FAM83H: variants seen among roughly 807,000 people sequenced by gnomAD.
FAM83H encodes the protein scaffolding CK1 anchoring protein H.
A neutral mutation model predicts 30.2 loss-of-function variants in FAM83H; 24 were observed. That is an observed-to-expected ratio of 0.79 (90% confidence interval 0.57 to 1.12). The LOEUF is 1.12. Ranked by LOEUF, FAM83H falls within the 50% of genes most tolerant of loss-of-function variation. The probability of loss-of-function intolerance (pLI) is 0.00; values close to 1 mark genes in which losing one functional copy is unlikely to be tolerated. For synonymous variants in FAM83H, 1,013 were observed against 821.7 expected, an observed-to-expected ratio of 1.23 and a Z score of -3.98; for missense variants, 2,038 against 1,773.9, an observed-to-expected ratio of 1.15 and a Z score of -2.67.
Position 143,727,551 on chromosome 8 carries a change from G to T in FAM83H, c.1910C>A (p.Pro637His). The T allele has an allele frequency of 6.3e-7, 1 of 1,586,870 alleles. No individual in the cohort carries two copies. Among genetic ancestry groups the T allele is most frequent in the East Asian group, 2.3e-5 (1 of 44,242 alleles). Residue 637 changes from proline (P) to histidine (H), a missense_variant, in exon 5 of 5, where the codon CCC (proline) becomes CAC (histidine). Transcript: ENST00000388913. The stretch of plus-strand genomic sequence containing the variant: ...CGGGCCTGGCACCGGGACCTTGGTG[G>T]GGAAGGCTGCTGGGACGCGGAAGGC... ...PSAFRVPAAF[P>H]TKVPVPGPGS...
rs782718385 is a variant in FAM83H, at chr8:143,726,641, G to C, written c.2820C>G (p.Thr940=). 4 of 1,598,302 alleles carry C rather than the reference G, an allele frequency of 2.5e-6. No homozygotes were observed. Among genetic ancestry groups the C allele is most frequent in the African/African-American group, 1.3e-5 (1 of 74,862 alleles). The part of the protein sequence containing the change: ...VPERRGSLTL[T]ISGESPKAGP... ...CGGCCTTCGGGGACTCCCCGGAGAT[G>C]GTAAGGGTGAGGCTGCCCCTGCGCT... Residue 940 remains threonine (T), a synonymous_variant, in exon 5 of 5, where the codon ACC becomes ACG. Coordinates refer to ENST00000388913, the MANE Select transcript of FAM83H (RefSeq NM_198488.5).
In FAM83H at chr8:143,724,711, C is replaced by G. The variant is rs1379073564; in HGVS notation, c.*1210G>C. The G allele has an allele frequency of 2.0e-5, 3 of 152,506 alleles. No homozygotes were observed. Among genetic ancestry groups the G allele is most frequent in the African/African-American group, 7.2e-5 (3 of 41,454 alleles). 9.4% of individuals were successfully genotyped at this position (152,506 alleles called of 1,614,324 possible). A position where few individuals can be genotyped will look rare whatever the true frequency, so the allele number is the denominator to read the frequency against. On this transcript the variant is annotated 3_prime_UTR_variant, in exon 5 of 5. Coordinates refer to ENST00000388913, the MANE Select transcript of FAM83H (RefSeq NM_198488.5). ...TCCCCTGCCCTCACCTGGCCCCATA[C>G]CTGTCAAGGATAAGCACTCCACAAC...
rs1554622572 is a variant in FAM83H, at chr8:143,727,449, C to T, written c.2012G>A (p.Arg671His). 3 of 1,569,858 alleles carry T rather than the reference C, an allele frequency of 1.9e-6. No homozygotes were observed. Among genetic ancestry groups the T allele is most frequent in the Admixed American group, 3.6e-5 (2 of 55,074 alleles). The change falls in exon 5 of 5, where the codon CGC becomes CAC. Residue 671 changes from arginine to histidine, a missense_variant. Coordinates refer to ENST00000388913, the MANE Select transcript of FAM83H (RefSeq NM_198488.5). The part of the protein sequence containing the change: ...GLAKQDSFRS[R>H]LNPLVQRSSR... Reference sequence around the variant, plus strand: ...GCTGCGCTGGACCAGGGGGTTCAGGCGCGAGCGGAATGAGTCCTGCTTGGC... The same window carrying T: ...GCTGCGCTGGACCAGGGGGTTCAGGTGCGAGCGGAATGAGTCCTGCTTGGC...
Position 143,726,118 on chromosome 8 carries a change from C to T in FAM83H, c.3343G>A (p.Glu1115Lys), listed in dbSNP as rs1435785864. ...LSRTLPASAE[E>K]RDRLLRRMES... ...ATGCGGCGCAGCAGCCGATCGCGCT[C>T]CTCCGCGCTGGCTGGCAGCGTGCGG... The change falls in exon 5 of 5, where the codon GAG (glutamate) becomes AAG (lysine). Residue 1115 changes from glutamate to lysine, a missense_variant. Transcript: ENST00000388913. 1 of 1,611,418 alleles carries T rather than the reference C, an allele frequency of 6.2e-7. No individual in the cohort carries two copies. Among genetic ancestry groups the T allele is most frequent in the Non-Finnish European group, 8.5e-7 (1 of 1,179,356 alleles).
chr8:143,730,617 C>T lies in FAM83H; in HGVS notation c.-15-20G>A. 6.7e-7 allele frequency: 1 copy of T among 1,493,202 alleles called. No individual in the cohort carries two copies. Among genetic ancestry groups the T allele is most frequent in the Non-Finnish European group, 8.9e-7 (1 of 1,121,158 alleles). 92.5% of individuals were successfully genotyped at this position (1,493,202 alleles called of 1,614,324 possible). ...AGGGGCCTGGAGGGGCAGGGAGACA[C>T]ATGACTAGGGGTGGGGGCACTGGGA... On this transcript the variant is annotated intron_variant, in intron 1 of 4. Transcript: ENST00000388913.
rs1818225134 is a variant in FAM83H at position 143,725,010 on chromosome 8, G to GCCCCCCCCCCCCCCCCCCCCA, written c.*910_*911insTGGGGGGGGGGGGGGGGGGGG. The GCCCCCCCCCCCCCCCCCCCCA allele has an allele frequency of 1.0e-5, 1 of 100,164 alleles. No individual in the cohort carries two copies. Among genetic ancestry groups the GCCCCCCCCCCCCCCCCCCCCA allele is most frequent in the Non-Finnish European group, 2.0e-5 (1 of 48,818 alleles). 6.2% of individuals were successfully genotyped at this position (100,164 alleles called of 1,614,324 possible). On this transcript the variant is annotated 3_prime_UTR_variant, in exon 5 of 5. Transcript: ENST00000388913. ...CTTCTGGTCCAGCTCCCCCCCCCCT[G>GCCCCCCCCCCCCCCCCCCCCA]CCCCACCCACCCCTTGCAAACTGCC...
In FAM83H at chr8:143,732,118, G is replaced by A. The variant is rs148965831; in HGVS notation, c.-15-1521C>T. ...CAGCTGGACTACATGGGTGCTAGCC[G>A]GAGCCACTTGGCTGAGAATGTTGGG... On this transcript the variant is annotated intron_variant, in intron 1 of 4. Coordinates refer to ENST00000388913, the MANE Select transcript of FAM83H (RefSeq NM_198488.5). 2.1e-4 allele frequency: 209 copies of A among 985,382 alleles called. No homozygotes were observed. The East Asian group carries it at 2.6e-3, about 12-fold the overall frequency. The allele number at this position is 985,382 out of a possible 1,614,324, so 61.0% of individuals were successfully genotyped here.
chr8:143,728,949 G>A lies in FAM83H; in HGVS notation c.737+18C>T. 6.2e-7 allele frequency: 1 copy of A among 1,613,330 alleles called. No homozygotes were observed. On this transcript the variant is annotated intron_variant, in intron 4 of 4. Transcript: ENST00000388913. ...AGGAGGCCCCAGAGAAGGGGGTGAG[G>A]GAGCCCCGCGGGCGCACCTGTAGCT...
rs1554622680 is a variant in FAM83H at position 143,727,571 on chromosome 8, G to A, written c.1890C>T (p.Phe630=). 1 of 1,587,576 alleles carries A rather than the reference G, an allele frequency of 6.3e-7. No individual in the cohort carries two copies. The highest frequency in any genetic ancestry group is 2.3e-5 in the East Asian group (1 of 44,178). ...APAGDLLPSA[F]RVPAAFPTKV... ...TGGTGGGGAAGGCTGCTGGGACGCG[G>A]AAGGCCGAGGGGAGCAGGTCGCCGG... Residue 630 remains phenylalanine (F), a synonymous_variant, in exon 5 of 5, where the codon TTC becomes TTT. Coordinates refer to ENST00000388913, the MANE Select transcript of FAM83H (RefSeq NM_198488.5).
In FAM83H at chr8:143,730,530, C is replaced by A; in HGVS notation, c.53G>T (p.Gly18Val). 6.3e-7 allele frequency: 1 copy of A among 1,577,426 alleles called. No homozygotes were observed. Among genetic ancestry groups the A allele is most frequent in the South Asian group, 1.2e-5 (1 of 86,592 alleles). The change falls in exon 2 of 5, where the codon GGG becomes GTG. Residue 18 changes from glycine to valine, a missense_variant. Transcript: ENST00000388913. ...CTCTTTGTAGTGAGGCGGCAGGTAC[C>A]CGGGTGCCAGTGGGTTGTCCCCCTG... ...SSQGDNPLAPGYLPPHYKEYY... is the reference protein window; with the variant it reads ...SSQGDNPLAPVYLPPHYKEYY...
intron 2 of FAM83H, 85 bp from the exon 3 acceptor site, chr8:143,729,408 T>A: frequency 6.7e-7 from 1 of 1,482,140 alleles, no homozygotes; most frequent in East Asian, 2.3e-5. Context: ...CCGGGAGGTG[T>A]CTGGATCACC....
In FAM83H at chr8:143,726,781, T is replaced by C; in HGVS notation, c.2680A>G (p.Thr894Ala). 4 of 1,611,932 alleles carry C rather than the reference T, an allele frequency of 2.5e-6. No homozygotes were observed. Among genetic ancestry groups the C allele is most frequent in the South Asian group, 1.1e-5 (1 of 91,034 alleles). The change falls in exon 5 of 5, where the codon ACT becomes GCT. Residue 894 changes from threonine to alanine, a missense_variant. Coordinates refer to ENST00000388913, the MANE Select transcript of FAM83H (RefSeq NM_198488.5). Reference sequence around the variant, plus strand: ...CCCTTCTGCTCGATAAATCCTGTAGTTGGACTTCCTCTTCGAGTGGAAAAC... The same window carrying C: ...CCCTTCTGCTCGATAAATCCTGTAGCTGGACTTCCTCTTCGAGTGGAAAAC... ...PGFSTRRGSP[T>A]TGFIEQKGSP...
rs181099241 is a variant in FAM83H, at chr8:143,726,593, G to C, written c.2868C>G (p.Ser956Arg). ...PKAGPAEEGP[S>R]GPMEVLRKGS... ...CTTTGCGCAGGACTTCCATGGGGCC[G>C]CTCGGCCCCTCCTCCGCGGGCCCGG... The change falls in exon 5 of 5, where the codon AGC becomes AGG. Residue 956 changes from serine to arginine, a missense_variant. By Grantham distance (110) the Ser-to-Arg change is moderately radical (BLOSUM62 -1). Coordinates refer to ENST00000388913, the MANE Select transcript of FAM83H (RefSeq NM_198488.5). The C allele has an allele frequency of 2.5e-6, 4 of 1,601,704 alleles. 1 individual carries two copies. The highest frequency in any genetic ancestry group is 4.5e-5 in the East Asian group (2 of 44,786).
chr8:143,726,881 G>C lies in FAM83H; in HGVS notation c.2580C>G (p.His860Gln). 1.9e-6 allele frequency: 3 copies of C among 1,612,810 alleles called. No individual in the cohort carries two copies. The highest frequency in any genetic ancestry group is 1.7e-6 in the Non-Finnish European group (2 of 1,179,900). ...CTTTTGACTCATTATGGAGCACCTG[G>C]TGCGCTCCGGACCCTTCCAGCGGCA... ...SPLPLEGSGA[H>Q]QVLHNESKGS... The change falls in exon 5 of 5, where the codon CAC (histidine) becomes CAG (glutamine). Residue 860 changes from histidine (H) to glutamine (Q), a missense_variant. Physicochemically the swap from His to Gln is conservative, Grantham distance 24. Transcript: ENST00000388913.
At position 143,733,501 on chromosome 8, in the gene FAM83H, C is replaced by T. The variant is rs1818606108; in HGVS notation, c.-16+190G>A. ...TCGCGTCCATATCCGCACAGCGGCG[C>T]CCCCTGTCCGAGCAGCCCCGCCACC... On this transcript the variant is annotated intron_variant, in intron 1 of 4. Coordinates refer to ENST00000388913, the MANE Select transcript of FAM83H (RefSeq NM_198488.5). This position sits in a 1 kb window ranked among gnomAD's most constrained non-coding sequence, Gnocchi z 5.6. 6.6e-6 allele frequency among the ~76,000 whole-genome samples: 1 copy of T among 151,980 alleles called. No homozygotes were observed. Among genetic ancestry groups the T allele is most frequent in the Non-Finnish European group, 1.5e-5 (1 of 67,954 alleles).
Position 143,726,606 on chromosome 8 carries a change from T to C in FAM83H, c.2855A>G (p.Glu952Gly). ...TTCCATGGGGCCGCTCGGCCCCTCC[T>C]CCGCGGGCCCGGCCTTCGGGGACTC... Reference protein sequence around the residue: ...SGESPKAGPAEEGPSGPMEVL... With the variant: ...SGESPKAGPAGEGPSGPMEVL... The change falls in exon 5 of 5, where the codon GAG becomes GGG. Residue 952 changes from glutamate to glycine, a missense_variant. By Grantham distance (98) the Glu-to-Gly change is moderately conservative. Transcript: ENST00000388913. 1 of 1,601,016 alleles carries C rather than the reference T, an allele frequency of 6.2e-7. No individual in the cohort carries two copies. Among genetic ancestry groups the C allele is most frequent in the South Asian group, 1.1e-5 (1 of 90,800 alleles).
Position 143,728,239 on chromosome 8 carries a change from T to G in FAM83H, c.1222A>C (p.Lys408Gln). The G allele has an allele frequency of 1.3e-6, 2 of 1,581,408 alleles. No individual in the cohort carries two copies. The highest frequency in any genetic ancestry group is 1.7e-6 in the Non-Finnish European group (2 of 1,169,964). Residue 408 changes from lysine to glutamine, a missense_variant, in exon 5 of 5, where the codon AAG becomes CAG. By Grantham distance (53) the Lys-to-Gln change is moderately conservative. Coordinates refer to ENST00000388913, the MANE Select transcript of FAM83H (RefSeq NM_198488.5). ...QARHLEMDAFKRHSFATEGAG... is the reference protein window; with the variant it reads ...QARHLEMDAFQRHSFATEGAG... ...CCCTCGGTCGCGAAGCTGTGCCGCT[T>G]GAAGGCGTCCATCTCCAGGTGCCGC...
Position 143,729,281 on chromosome 8 carries a change from G to C in FAM83H, c.490C>G (p.Leu164Val). 1 of 1,613,384 alleles carries C rather than the reference G, an allele frequency of 6.2e-7. No individual in the cohort carries two copies. The highest frequency in any genetic ancestry group is 8.5e-7 in the Non-Finnish European group (1 of 1,180,018). Residue 164 changes from leucine to valine, a missense_variant, in exon 3 of 5, where the codon CTC (leucine) becomes GTC (valine). By Grantham distance (32) the Leu-to-Val change is conservative. Transcript: ENST00000388913. Reference sequence around the variant, plus strand: ...GCCGCGGCCTCCAGCACTTCGCTGAGCAGGTCCACATCAGTGAACATGTCC... The same window carrying C: ...GCCGCGGCCTCCAGCACTTCGCTGACCAGGTCCACATCAGTGAACATGTCC... ...VMDMFTDVDL[L>V]SEVLEAAARR...
rs1554620822 is a variant in FAM83H at position 143,724,240 on chromosome 8, T to G, written c.*1681A>C. 1 of 152,260 alleles carries G rather than the reference T, an allele frequency of 6.6e-6. No individual in the cohort carries two copies. Among genetic ancestry groups the G allele is most frequent in the Non-Finnish European group, 1.5e-5 (1 of 68,052 alleles). 9.4% of individuals were successfully genotyped at this position (152,260 alleles called of 1,614,324 possible). ...GGTGGTTTTGGTAACCAGTGGGCTG[T>G]GCAGGAGTGAAAGTGGGGTCACTTT... On this transcript the variant is annotated 3_prime_UTR_variant, in exon 5 of 5. Coordinates refer to ENST00000388913, the MANE Select transcript of FAM83H (RefSeq NM_198488.5).
Sources: gnomAD v4.1 joint callset for allele counts (sites outside exome capture counted in the v4.1 genomes callset) on GRCh38, gnomAD v4.1.1 for gene constraint, Gnocchi (gnomAD v3.1) non-coding constraint, MANE v1.5 for transcripts, NCBI Gene and HGNC (gene_info 2026-07-23, HGNC 2026-07-21) for gene names.